Variants in SAXO3 observed in about 807,000 individuals in gnomAD.
The protein encoded by SAXO3 is stabilizer of axonemal microtubules 3, also known as CTB-60B18.10.
chr19:49,018,924 C>T, the SAXO3 span: 1 of 1,534,394 alleles, frequency 6.5e-7, no homozygotes, highest in East Asian at 2.4e-5. Context: ...GAGCTGGCGG[C>T]GGTCCAGGAC....
At chr19:49,018,818 A>T in the SAXO3 span, 104,056 of 1,439,426 alleles carry the variant, frequency 0.072, 4,274 homozygotes, top group Non-Finnish European at 0.079. Flanking sequence ...CTCGGCGTGC[A>T]CCGGCCACGG....
the SAXO3 span, chr19:49,018,010 G>C: frequency 1.0e-5 from 4 of 398,492 alleles, no homozygotes; most frequent in African/African-American, 2.1e-5. Flanking sequence ...TGGAGTTCTC[G>C]GTACTGTAGG....
At chr19:49,018,639 A>T in the SAXO3 span, among the ~76,000 whole-genome samples, 13 of 151,968 alleles carry the variant, frequency 8.6e-5, no homozygotes, top group South Asian at 2.7e-3. Flanking sequence ...AATCCCCTCG[A>T]GCCGCTGTGC....
chr19:49,018,152 A>G, the SAXO3 span: 1 of 403,006 alleles, frequency 2.5e-6, no homozygotes, highest in East Asian at 3.6e-5. Context: ...AGCCAGAGAC[A>G]GGGCTCCCCG....
the SAXO3 span, chr19:49,018,216 G>T: frequency 3.4e-6 from 2 of 581,326 alleles, no homozygotes; most frequent in Middle Eastern, 5.2e-4. Flanking sequence ...ACCCGCGGTG[G>T]TCGGGGCGGC....
the SAXO3 span, chr19:49,019,718 G>T: frequency 8.5e-7 from 1 of 1,170,408 alleles, no homozygotes; most frequent in Admixed American, 3.9e-5. Context: ...GGGGCGCGCG[G>T]GTCCCCGCTG....
chr19:49,018,205 G>A, the SAXO3 span: 1 of 504,154 alleles, frequency 2.0e-6, no homozygotes, highest in South Asian at 1.0e-4. Flanking sequence ...GCGGCACGCG[G>A]ACCCGCGGTG....
chr19:49,018,138 C>T, the SAXO3 span: 1 of 400,990 alleles, frequency 2.5e-6, no homozygotes, highest in East Asian at 3.6e-5. Flanking sequence ...CTGTAGGACT[C>T]CTGAGCCAGA....
the SAXO3 span, chr19:49,019,882 C>A: frequency 7.3e-7 from 1 of 1,375,118 alleles, no homozygotes; most frequent in Admixed American, 2.1e-5. Context: ...CTGTCCCCTG[C>A]GGACTCCGGC....
the SAXO3 span, chr19:49,018,935 G>T: frequency 5.9e-6 from 9 of 1,534,368 alleles, no homozygotes; most frequent in East Asian, 2.0e-4. Context: ...GGTCCAGGAC[G>T]CCCCGGTCGG....
At chr19:49,019,559 A>G in the SAXO3 span, 2 of 1,184,130 alleles carry the variant, frequency 1.7e-6, no homozygotes, top group South Asian at 6.3e-5. Context: ...CCCTTTAGCC[A>G]CGCCCCAAAG....
chr19:49,019,216 C>G, the SAXO3 span: 9 of 1,385,574 alleles, frequency 6.5e-6, no homozygotes, highest in East Asian at 8.3e-5. Flanking sequence ...AGCCTCACCT[C>G]CCTAAATCCA....
chr19:49,019,824 C>T, the SAXO3 span: 1 of 1,264,768 alleles, frequency 7.9e-7, no homozygotes, highest in Non-Finnish European at 1.1e-6. Flanking sequence ...GAAAGGCGAC[C>T]CAGAGACTCA....
the SAXO3 span, chr19:49,018,044 C>G: frequency 5.0e-6 from 2 of 398,730 alleles, no homozygotes; most frequent in Non-Finnish European, 8.8e-6. Flanking sequence ...GTAGATGCCC[C>G]GCAGGGGCTT....
At chr19:49,020,543 A>G in the SAXO3 span, 6 of 398,746 alleles carry the variant, frequency 1.5e-5, no homozygotes, top group East Asian at 1.8e-4. Context: ...GTAGCCAAGC[A>G]GGAGCTGGCT....
At chr19:49,018,707 TAAAA>T in the SAXO3 span, among the ~76,000 whole-genome samples, 213 of 146,744 alleles carry the variant, frequency 1.5e-3, no homozygotes, top group Middle Eastern at 7.0e-3. Flanking sequence ...CCTGGGTGCT[TAAAA>T]AAAAAAGGGA....
At chr19:49,018,011 G>T in the SAXO3 span, 1 of 398,660 alleles carries the variant, frequency 2.5e-6, no homozygotes, top group Non-Finnish European at 4.4e-6. Context: ...GGAGTTCTCG[G>T]TACTGTAGGC....
At chr19:49,019,371 C>A in the SAXO3 span, 1 of 1,243,316 alleles carries the variant, frequency 8.0e-7, no homozygotes. Flanking sequence ...TTACCTCTCC[C>A]AACTCCCACC....
chr19:49,019,260 A>G, the SAXO3 span: 1 of 1,293,724 alleles, frequency 7.7e-7, no homozygotes, highest in Non-Finnish European at 9.8e-7. Flanking sequence ...CTCAAACCCA[A>G]GCCCCCAGCC....
Sources: allele counts gnomAD v4.1 joint callset (sites outside exome capture counted in the v4.1 genomes callset), GRCh38; gene constraint gnomAD v4.1.1; transcripts MANE v1.5; gene names NCBI Gene and HGNC (gene_info 2026-07-23, HGNC 2026-07-21).